The following DECR1 variants were observed in gnomAD, a reference collection of about 807,000 sequenced individuals.
DECR1 encodes 2,4-dienoyl-CoA reductase 1.
Under a neutral mutation model 38.8 loss-of-function variants are expected in DECR1, and 44 were observed. That is an observed-to-expected ratio of 1.13 (90% CI 0.89 to 1.46). DECR1 has a LOEUF of 1.46. Ranked by LOEUF, DECR1 falls within the 40% of genes most tolerant of loss-of-function variation. The pLI, the probability that DECR1 is intolerant of heterozygous loss-of-function variation, is 0.00. For missense variants in DECR1, 428 were observed against 405.5 expected, an observed-to-expected ratio of 1.06 and a Z score of -0.48; for synonymous variants, 148 against 135.2, an observed-to-expected ratio of 1.09 and a Z score of -0.66.
In DECR1 at chr8:90,053,516, C is replaced by T. The variant is rs1474635598; in HGVS notation, c.*1619C>T. 6.6e-6 allele frequency among the ~76,000 whole-genome samples: 1 copy of T among 152,116 alleles called. No individual in the cohort carries two copies. Among genetic ancestry groups the T allele is most frequent in the African/African-American group, 2.4e-5 (1 of 41,418 alleles). ...CTTCCCACCCACCTCTCACCAAACA[C>T]ACAAAGACACACTCTTTCCCTCCAC... On this transcript the variant is annotated 3_prime_UTR_variant, in exon 10 of 10. Transcript: ENST00000220764.
intron 7 of DECR1, among the ~76,000 whole-genome samples, chr8:90,043,622 G>T (rs112503567): frequency 2.5e-4 from 31 of 123,004 alleles, no homozygotes; most frequent in African/African-American, 1.3e-3. Flanking sequence ...TGGGTTATAG[G>T]TAGCTCTGGG....
At chr8:90,042,251 T>C (rs1813781344) in intron 6 of DECR1, among the ~76,000 whole-genome samples, 1 of 152,158 alleles carries the variant, frequency 6.6e-6, no homozygotes, top group African/African-American at 2.4e-5. Context: ...TGTAATCCAA[T>C]GTACAGGGCT....
intron 1 of DECR1, among the ~76,000 whole-genome samples, chr8:90,008,397 A>G (rs1472001935): frequency 6.6e-6 from 1 of 152,300 alleles, no homozygotes; most frequent in South Asian, 2.1e-4. Context: ...TCTCATGTAC[A>G]CTTAATGACT....
intron 8 of DECR1, among the ~76,000 whole-genome samples, chr8:90,046,828 A>G (rs1034370405): frequency 1.3e-5 from 2 of 152,250 alleles, no homozygotes; most frequent in African/African-American, 2.4e-5. Flanking sequence ...TCAGACTAAC[A>G]GTGGATCTCT....
chr8:90,007,054 T>C (rs988180794), intron 1 of DECR1, among the ~76,000 whole-genome samples: 1 of 152,176 alleles, frequency 6.6e-6, no homozygotes, highest in African/African-American at 2.4e-5. Context: ...AGAATGTTAA[T>C]TCTCCCTGGG....
intron 5 of DECR1, among the ~76,000 whole-genome samples, chr8:90,028,981 T>G (rs1411042863): frequency 1.3e-5 from 2 of 152,152 alleles, no homozygotes; most frequent in African/African-American, 4.8e-5. Flanking sequence ...GATGAGAAAC[T>G]ATGGCTTATT....
At chr8:90,042,450 C>T in intron 6 of DECR1, 1 of 382,298 alleles carries the variant, frequency 2.6e-6, no homozygotes, top group Non-Finnish European at 4.8e-6. Context: ...GTTAAGGACA[C>T]TAAAATGTAA....
At chr8:90,044,646 A>T (rs545668816) in intron 7 of DECR1, among the ~76,000 whole-genome samples, 1 of 152,270 alleles carries the variant, frequency 6.6e-6, no homozygotes, top group Admixed American at 6.5e-5. Context: ...CATTTTACAT[A>T]GAAGAAACTA....
At chr8:90,048,477 C>T (rs1813972920) in intron 8 of DECR1, among the ~76,000 whole-genome samples, 1 of 152,094 alleles carries the variant, frequency 6.6e-6, no homozygotes, top group South Asian at 2.1e-4. Flanking sequence ...TCTCCCAAGA[C>T]TAAACCTGGA....
At chr8:90,049,182 G>C (rs542523613) in intron 8 of DECR1, among the ~76,000 whole-genome samples, 1 of 152,290 alleles carries the variant, frequency 6.6e-6, no homozygotes, top group South Asian at 2.1e-4. Flanking sequence ...GGTCAGGGCA[G>C]TCAGGCAGGA....
chr8:90,044,694 T>C (rs1304661572), intron 7 of DECR1, among the ~76,000 whole-genome samples, 155 bp from the exon 8 acceptor site: 1 of 152,274 alleles, frequency 6.6e-6, no homozygotes, highest in African/African-American at 2.4e-5. Flanking sequence ...ATCTATTTTT[T>C]TTTTAAGAAT....
intron 4 of DECR1, 39 bp from the exon 5 acceptor site, chr8:90,020,869 TC>T: frequency 2.7e-6 from 4 of 1,474,812 alleles, no homozygotes; most frequent in Non-Finnish European, 3.6e-6. Context: ...ATGTTTTTCC[TC>T]ATCTAAAGTT....
chr8:90,036,747 T>A (rs1469177310), intron 5 of DECR1, 94 bp from the exon 6 acceptor site: 2 of 807,466 alleles, frequency 2.5e-6, no homozygotes, highest in Non-Finnish European at 4.0e-6. Flanking sequence ...TCTTATACCC[T>A]CTTTAATCAG....
chr8:90,034,543 C>G (rs1006420366), intron 5 of DECR1, among the ~76,000 whole-genome samples: 3 of 152,130 alleles, frequency 2.0e-5, no homozygotes, highest in Non-Finnish European at 4.4e-5. Context: ...CCTCTGCCTC[C>G]TGGGTTCAAG....
chr8:90,010,954 A>T (rs1226902666), intron 1 of DECR1, among the ~76,000 whole-genome samples: 4 of 152,172 alleles, frequency 2.6e-5, no homozygotes, highest in Non-Finnish European at 2.9e-5. Context: ...TAAAGAAAAA[A>T]AATTTATGAA....
chr8:90,014,011 A>C (rs1475042485), intron 1 of DECR1, among the ~76,000 whole-genome samples: 1 of 152,128 alleles, frequency 6.6e-6, no homozygotes, highest in East Asian at 1.9e-4. Context: ...GTGATAGCTA[A>C]TTTTTTGAGG....
At chr8:90,026,629 T>A (rs1301211081) in intron 5 of DECR1, among the ~76,000 whole-genome samples, 1 of 152,208 alleles carries the variant, frequency 6.6e-6, no homozygotes, top group Non-Finnish European at 1.5e-5. Context: ...TCTTTATTAC[T>A]CTTGCTGGCA....
chr8:90,013,399 GTTTTT>G (rs57505716), intron 1 of DECR1, among the ~76,000 whole-genome samples: 5 of 77,984 alleles, frequency 6.4e-5, no homozygotes, highest in African/African-American at 2.5e-4. Flanking sequence ...CTCTTCTTTC[GTTTTT>G]TTTTTTTTTT....
intron 1 of DECR1, among the ~76,000 whole-genome samples, chr8:90,012,778 C>T (rs748615242): frequency 5.9e-5 from 9 of 152,148 alleles, no homozygotes; most frequent in Non-Finnish European, 1.3e-4. Flanking sequence ...CCTTAGCAGG[C>T]CAATTTGGAA....
Sources: allele counts gnomAD v4.1 joint callset (sites outside exome capture counted in the v4.1 genomes callset), GRCh38; gene constraint gnomAD v4.1.1; transcripts MANE v1.5; gene names NCBI Gene and HGNC (gene_info 2026-07-23, HGNC 2026-07-21).